Variants in GLI1 observed in about 807,000 individuals in gnomAD.
The protein encoded by GLI1 is GLI family zinc finger 1.
In GLI1, 51 loss-of-function variants were observed where a neutral mutation model predicts 87.8. The observed-to-expected ratio is 0.58, with a 90% confidence interval of 0.46 to 0.73. The LOEUF (loss-of-function observed/expected upper bound fraction) is 0.73. Ranked by LOEUF, GLI1 falls within the 30% of genes least tolerant of loss-of-function variation. The pLI, the probability that GLI1 is intolerant of heterozygous loss-of-function variation, is 0.00. For missense variants in GLI1, 1,292 were observed against 1,437.2 expected (o/e 0.90, Z 1.63); for synonymous variants, 528 against 558.2 (o/e 0.95, Z 0.76).
Position 57,471,248 on chromosome 12 carries a change from C to T in GLI1, c.2508C>T (p.His836=). 6.2e-7 allele frequency: 1 copy of T among 1,601,866 alleles called. No individual in the cohort carries two copies. The highest frequency in any genetic ancestry group is 1.7e-5 in the Admixed American group (1 of 58,148). The change falls in exon 12 of 12, where the codon CAC becomes CAT. Residue 836 remains histidine (H), a synonymous_variant. Transcript: ENST00000228682. The surrounding 1 kb of genome is among the most constrained non-coding windows in gnomAD (Gnocchi z 4.9). ...GACTGGCACCCTGCCTCAATGCCCA[C>T]CCCAGTGAGGGGCCCCCACATCCAC... The part of the protein sequence containing the change: ...STGLAPCLNA[H]PSEGPPHPQP...
At position 57,466,363 on chromosome 12, in the gene GLI1, A is replaced by T. The variant is rs1449223777; in HGVS notation, c.886A>T (p.Thr296Ser). 2 of 1,613,650 alleles carry T rather than the reference A, an allele frequency of 1.2e-6. No individual in the cohort carries two copies. Among genetic ancestry groups the T allele is most frequent in the Admixed American group, 3.3e-5 (2 of 59,946 alleles). ...GCTGGTGGTTCACATGCGCAGACAC[A>T]CTGGCGAGAAGCCACACAAGTGCAC... Reference protein sequence around the residue: ...YMLVVHMRRHTGEKPHKCTFE... With the variant: ...YMLVVHMRRHSGEKPHKCTFE... Residue 296 changes from threonine to serine, a missense_variant, in exon 8 of 12, where the codon ACT becomes TCT. By Grantham distance (58) the Thr-to-Ser change is moderately conservative (BLOSUM62 1). Around this residue, in one of 3 missense-constraint regions of GLI1, gnomAD observed 12 missense variants for 28.1 expected, o/e 0.43. Transcript: ENST00000228682.
Position 57,471,832 on chromosome 12 carries a change from G to A in GLI1, c.3092G>A (p.Gly1031Glu). ...CCTGCCTTGTACCCTCCTCCCGAAG[G>A]ACAGGTATGTAACCCCCTGGACTCT... ...GGPALYPPPEGQVCNPLDSLD... is the reference protein window; with the variant it reads ...GGPALYPPPEEQVCNPLDSLD... Residue 1031 changes from glycine (G) to glutamate (E), a missense_variant, in exon 12 of 12, where the codon GGA becomes GAA. By Grantham distance (98) the Gly-to-Glu change is moderately conservative. This residue lies in a region of GLI1 where 897 missense variants were observed against 1,040.7 expected (regional missense o/e 0.86). Coordinates refer to ENST00000228682, the MANE Select transcript of GLI1 (RefSeq NM_005269.3). The surrounding 1 kb of genome is among the most constrained non-coding windows in gnomAD (Gnocchi z 4.9). 6.4e-7 allele frequency: 1 copy of A among 1,568,008 alleles called. No homozygotes were observed. The highest frequency in any genetic ancestry group is 8.6e-7 in the Non-Finnish European group (1 of 1,157,174).
chr12:57,471,665 AGTG>A lies in GLI1; in HGVS notation c.2927_2929del (p.Val976del). On this transcript the variant is annotated inframe_deletion, in exon 12 of 12. Coordinates refer to ENST00000228682, the MANE Select transcript of GLI1 (RefSeq NM_005269.3). This position sits in a 1 kb window ranked among gnomAD's most constrained non-coding sequence, Gnocchi z 4.9. ...CTTCACCATGCCATGAAAATTTTGT[AGTG>A]GGGGCAAATAGGGCTTCACATAGGG... 6 of 1,611,060 alleles carry A rather than the reference AGTG, an allele frequency of 3.7e-6. No homozygotes were observed. The highest frequency in any genetic ancestry group is 5.1e-6 in the Non-Finnish European group (6 of 1,178,678).
At chr12:57,463,215 G>C (rs1871255393) in intron 1 of GLI1, among the ~76,000 whole-genome samples, 1 of 151,952 alleles carries the variant, frequency 6.6e-6, no homozygotes, top group African/African-American at 2.4e-5. Context: ...CTCACTCAGC[G>C]AGTGATGCTT....
Position 57,470,736 on chromosome 12 carries a change from C to A in GLI1, c.1996C>A (p.Pro666Thr), listed in dbSNP as rs572181120. 5 of 1,613,104 alleles carry A rather than the reference C, an allele frequency of 3.1e-6. No individual in the cohort carries two copies. In the East Asian group the frequency reaches 6.7e-5, roughly 22 times the overall value. ...CAAGAGCCTGGGCTGTGTCCATACCCCACCCACTGTGGCAGGGGGAGGACA... is the reference window on the plus strand; with the variant it reads ...CAAGAGCCTGGGCTGTGTCCATACCACACCCACTGTGGCAGGGGGAGGACA... ...RFKSLGCVHTPPTVAGGGQNF... is the reference protein window; with the variant it reads ...RFKSLGCVHTTPTVAGGGQNF... Residue 666 changes from proline (P) to threonine (T), a missense_variant, in exon 12 of 12, where the codon CCA (proline) becomes ACA (threonine). Transcript: ENST00000228682.
chr12:57,467,247 T>C, intron 8 of GLI1, 86 bp from the exon 9 acceptor site: 3 of 1,110,236 alleles, frequency 2.7e-6, no homozygotes, highest in Non-Finnish European at 3.9e-6. Context: ...TATTCTCTGA[T>C]GTGTGTCCTG....
At position 57,472,151 on chromosome 12, in the gene GLI1, A is replaced by G; in HGVS notation, c.*90A>G. The G allele has an allele frequency of 1.2e-6, 1 of 832,548 alleles. No individual in the cohort carries two copies. Among genetic ancestry groups the G allele is most frequent in the Non-Finnish European group, 1.8e-6 (1 of 555,706 alleles). The allele number at this position is 832,548 out of a possible 1,614,324, so 51.6% of individuals were successfully genotyped here. On this transcript the variant is annotated 3_prime_UTR_variant, in exon 12 of 12. Coordinates refer to ENST00000228682, the MANE Select transcript of GLI1 (RefSeq NM_005269.3). ...TTGGGGGAGCTGCAGTCCCATGCAC[A>G]AGATGCCCCAGGGATGGGAGGTATG...
rs544814810 is a variant in GLI1, at chr12:57,470,281, C to G, written c.1577-36C>G. ...AGGCAGGGTGAAATTTAGGAAGCTCCTTGACCATCCTACCTTTTCTCCCCA... is the reference window on the plus strand; with the variant it reads ...AGGCAGGGTGAAATTTAGGAAGCTCGTTGACCATCCTACCTTTTCTCCCCA... On this transcript the variant is annotated intron_variant, in intron 11 of 11. Coordinates refer to ENST00000228682, the MANE Select transcript of GLI1 (RefSeq NM_005269.3). The G allele has an allele frequency of 4.7e-6, 7 of 1,492,620 alleles. No homozygotes were observed. The African/African-American group carries it at 7.0e-5, about 15-fold the overall frequency. 92.5% of individuals were successfully genotyped at this position (1,492,620 alleles called of 1,614,324 possible). A position where few individuals can be genotyped will look rare whatever the true frequency, so the allele number is the denominator to read the frequency against.
intron 1 of GLI1, among the ~76,000 whole-genome samples, chr12:57,462,638 A>G (rs964622778): frequency 1.3e-5 from 2 of 152,228 alleles, no homozygotes; most frequent in South Asian, 4.1e-4. Flanking sequence ...CCCCCAAAAC[A>G]GAGACCAAAA....
In GLI1 at chr12:57,466,388, C is replaced by T. The variant is rs755035040; in HGVS notation, c.911C>T (p.Thr304Met). The change falls in exon 8 of 12, where the codon ACG becomes ATG. Residue 304 changes from threonine (T) to methionine (M), a missense_variant and splice_region_variant. Physicochemically the swap from Thr to Met is moderately conservative, Grantham distance 81 (BLOSUM62 -1). Coordinates refer to ENST00000228682, the MANE Select transcript of GLI1 (RefSeq NM_005269.3). ...RHTGEKPHKC[T>M]FEGCRKSYSR... ...ACTGGCGAGAAGCCACACAAGTGCA[C>T]GGTGAGGCACCAGTGTCCCAAGTCC... 4.1e-5 allele frequency: 66 copies of T among 1,609,032 alleles called. No homozygotes were observed. Among genetic ancestry groups the T allele is most frequent in the Admixed American group, 5.0e-5 (3 of 59,560 alleles).
In GLI1 at chr12:57,470,805, C is replaced by T; in HGVS notation, c.2065C>T (p.Pro689Ser). The T allele has an allele frequency of 6.2e-7, 1 of 1,611,238 alleles. No homozygotes were observed. Among genetic ancestry groups the T allele is most frequent in the Non-Finnish European group, 8.5e-7 (1 of 1,178,422 alleles). Residue 689 changes from proline (P) to serine (S), a missense_variant, in exon 12 of 12, where the codon CCC (proline) becomes TCC (serine). Coordinates refer to ENST00000228682, the MANE Select transcript of GLI1 (RefSeq NM_005269.3). ...YLPTSVYSPQ[P>S]PSITENAAMD... is the part of the protein sequence containing the mutation. ...CCCAACCTCTGTCTACTCACCACAG[C>T]CCCCCAGCATCACTGAGAATGCTGC...
At position 57,463,962 on chromosome 12, in the gene GLI1, A is replaced by T. The variant is rs117227747; in HGVS notation, c.101-37A>T. On this transcript the variant is annotated intron_variant, in intron 2 of 11. Coordinates refer to ENST00000228682, the MANE Select transcript of GLI1 (RefSeq NM_005269.3). ...TGGGGTTTTAAGGTGAGGTTTATGT[A>T]TCCTCCATTCCCATTCCAGCTGTCT... is the stretch of plus-strand genomic sequence containing the variant. The T allele has an allele frequency of 7.4e-5, 108 of 1,465,742 alleles. No individual in the cohort carries two copies. In the East Asian group the frequency reaches 2.1e-3, roughly 28 times the overall value. 90.8% of individuals were successfully genotyped at this position (1,465,742 alleles called of 1,614,324 possible). A position where few individuals can be genotyped will look rare whatever the true frequency, so the allele number is the denominator to read the frequency against.
chr12:57,467,325 T>C lies in GLI1; in HGVS notation c.913-8T>C. Reference sequence around the variant, plus strand: ...AGAACTATCCTTTGACCCCTGCATGTCCCCCAGTTTGAAGGGTGCCGGAAG... The same window carrying C: ...AGAACTATCCTTTGACCCCTGCATGCCCCCCAGTTTGAAGGGTGCCGGAAG... On this transcript the variant is annotated splice_polypyrimidine_tract_variant and splice_region_variant and intron_variant, in intron 8 of 11. Coordinates refer to ENST00000228682, the MANE Select transcript of GLI1 (RefSeq NM_005269.3). 2 of 1,598,892 alleles carry C rather than the reference T, an allele frequency of 1.3e-6. No individual in the cohort carries two copies. Among genetic ancestry groups the C allele is most frequent in the Non-Finnish European group, 1.7e-6 (2 of 1,168,624 alleles).
Position 57,472,149 on chromosome 12 carries a change from A to G in GLI1, c.*88A>G. 8.3e-6 allele frequency: 7 copies of G among 843,090 alleles called. No individual in the cohort carries two copies. Among genetic ancestry groups the G allele is most frequent in the Admixed American group, 3.1e-5 (1 of 31,774 alleles). 52.2% of individuals were successfully genotyped at this position (843,090 alleles called of 1,614,324 possible). A position where few individuals can be genotyped will look rare whatever the true frequency, so the allele number is the denominator to read the frequency against. On this transcript the variant is annotated 3_prime_UTR_variant, in exon 12 of 12. Coordinates refer to ENST00000228682, the MANE Select transcript of GLI1 (RefSeq NM_005269.3). ...AATTGGGGGAGCTGCAGTCCCATGC[A>G]CAAGATGCCCCAGGGATGGGAGGTA...
rs753577718 is a variant in GLI1, at chr12:57,471,848, C to T, written c.3108C>T (p.Pro1036=). ...CTCCCGAAGGACAGGTATGTAACCC[C>T]CTGGACTCTCTTGATCTTGACAACA... ...YPPPEGQVCN[P]LDSLDLDNTQ... Residue 1036 remains proline, a synonymous_variant, in exon 12 of 12, where the codon CCC becomes CCT. Coordinates refer to ENST00000228682, the MANE Select transcript of GLI1 (RefSeq NM_005269.3). This position sits in a 1 kb window ranked among gnomAD's most constrained non-coding sequence, Gnocchi z 4.9. 5.7e-6 allele frequency: 9 copies of T among 1,582,066 alleles called. No individual in the cohort carries two copies. Among genetic ancestry groups the T allele is most frequent in the Admixed American group, 3.6e-5 (2 of 55,472 alleles).
rs758230546 is a variant in GLI1 at position 57,470,708 on chromosome 12, G to A, written c.1968G>A (p.Arg656=). Residue 656 remains arginine (R), a synonymous_variant, in exon 12 of 12, where the codon AGG becomes AGA. Transcript: ENST00000228682. Reference sequence around the variant, plus strand: ...GTCCTGCTCCAGCTAGAGTCCAGAGGTTCAAGAGCCTGGGCTGTGTCCATA... The same window carrying A: ...GTCCTGCTCCAGCTAGAGTCCAGAGATTCAAGAGCCTGGGCTGTGTCCATA... ...ADRPAPARVQ[R]FKSLGCVHTP... 8 of 1,612,530 alleles carry A rather than the reference G, an allele frequency of 5.0e-6. No individual in the cohort carries two copies. In the Admixed American group the frequency reaches 1.3e-4, roughly 27 times the overall value.
chr12:57,463,809 TC>T lies in GLI1; in HGVS notation c.100+21del. ...GACAGAAGGTCAGTGTATATACCAA[TC>T]CCTGGGCCTTGAGGATTTGGCAGAT... On this transcript the variant is annotated intron_variant, in intron 2 of 11. Coordinates refer to ENST00000228682, the MANE Select transcript of GLI1 (RefSeq NM_005269.3). The T allele has an allele frequency of 1.4e-6, 2 of 1,426,106 alleles. No individual in the cohort carries two copies. The highest frequency in any genetic ancestry group is 2.0e-6 in the Non-Finnish European group (2 of 1,019,862). The allele number at this position is 1,426,106 out of a possible 1,614,324, so 88.3% of individuals were successfully genotyped here.
chr12:57,465,715 G>A lies in GLI1; in HGVS notation c.624+19G>A, dbSNP rs1395575745. 2 of 1,613,424 alleles carry A rather than the reference G, an allele frequency of 1.2e-6. No individual in the cohort carries two copies. Among genetic ancestry groups the A allele is most frequent in the Non-Finnish European group, 1.7e-6 (2 of 1,179,316 alleles). On this transcript the variant is annotated intron_variant, in intron 6 of 11. Coordinates refer to ENST00000228682, the MANE Select transcript of GLI1 (RefSeq NM_005269.3). ...CATACAGGTAAGGGGATGGGCAGGA[G>A]CTTTACCTCTGGGACCTGAGCAAAA...
chr12:57,466,293 G>A lies in GLI1; in HGVS notation c.816G>A (p.Trp272Ter), dbSNP rs547877619. The A allele has an allele frequency of 1.4e-5, 23 of 1,614,026 alleles. No individual in the cohort carries two copies. Among genetic ancestry groups the A allele is most frequent in the Non-Finnish European group, 1.9e-5 (23 of 1,179,966 alleles). ...HGERKEFVCHWGGCSRELRPF... is the reference protein window; with the variant it reads ...HGERKEFVCH ...AGCGGAAGGAGTTCGTGTGCCACTG[G>A]GGGGGCTGCTCCAGGGAGCTGAGGC... The change falls in exon 8 of 12, where the codon TGG becomes TGA. Residue 272 changes from tryptophan to a stop codon, truncating the protein, a stop_gained. Transcript: ENST00000228682. LOFTEE classifies it high-confidence loss of function.
Sources: gnomAD v4.1 joint callset for allele counts (sites outside exome capture counted in the v4.1 genomes callset) on GRCh38, gnomAD v4.1.1 for gene constraint, gnomAD v4.1.1 regional missense constraint, Gnocchi (gnomAD v3.1) non-coding constraint, MANE v1.5 for transcripts, NCBI Gene and HGNC (gene_info 2026-07-23, HGNC 2026-07-21) for gene names.